The following ASTN2 variants were observed in gnomAD, a reference collection of about 807,000 sequenced individuals.
The protein encoded by ASTN2 is astrotactin 2.
ASTN2 carries 54 observed loss-of-function variants against 139.8 expected under a neutral mutation model. That is an observed-to-expected ratio of 0.39 (90% confidence interval 0.31 to 0.48). The LOEUF is 0.48. Ranked by LOEUF, ASTN2 falls within the 20% of genes least tolerant of loss-of-function variation. The pLI is 0.95. For synonymous variants in ASTN2, 756 were observed against 719.5 expected, an observed-to-expected ratio of 1.05 and a Z score of -0.81; for missense variants, 1,565 against 1,725.1, an observed-to-expected ratio of 0.91 and a Z score of 1.64.
intron 3 of ASTN2, among the ~76,000 whole-genome samples, chr9:117,206,771 C>T (rs1407166279): frequency 6.6e-6 from 1 of 152,122 alleles, no homozygotes; most frequent in Admixed American, 6.5e-5. Context: ...TTGAGCCAGC[C>T]AAACCACTGC....
At chr9:116,943,505 G>A (rs568039768) in intron 10 of ASTN2, among the ~76,000 whole-genome samples, 2 of 152,250 alleles carry the variant, frequency 1.3e-5, no homozygotes, top group East Asian at 3.9e-4. Context: ...ATTTACCCAA[G>A]CTCCTTAAAA....
At chr9:117,065,171 C>T (rs529476790) in intron 5 of ASTN2, among the ~76,000 whole-genome samples, 4 of 152,178 alleles carry the variant, frequency 2.6e-5, no homozygotes, top group South Asian at 2.1e-4. Flanking sequence ...GAGGAAGCCA[C>T]GGAACAGAAC....
rs186207413 is a variant in ASTN2, at chr9:116,634,162, A to T, written c.3073-13719T>A. 3.6e-3 allele frequency among the ~76,000 whole-genome samples: 552 copies of T among 152,310 alleles called. 4 individuals are homozygous for T. Among genetic ancestry groups the T allele is most frequent in the Admixed American group, 7.7e-3 (118 of 15,304 alleles). Reference sequence around the variant, plus strand: ...TATACTAAGATCTACCTCAATTAGAAATGTACAAGGATCATGTATAAAGTG... The same window carrying T: ...TATACTAAGATCTACCTCAATTAGATATGTACAAGGATCATGTATAAAGTG... On this transcript the variant is annotated intron_variant, in intron 17 of 22. Coordinates refer to ENST00000313400, the MANE Select transcript of ASTN2 (RefSeq NM_001365068.1).
At chr9:117,349,905 C>G (rs563399125) in intron 1 of ASTN2, among the ~76,000 whole-genome samples, 19 of 152,128 alleles carry the variant, frequency 1.2e-4, no homozygotes, top group African/African-American at 4.3e-4. Context: ...TGTCACATAA[C>G]AGAGGAAAGC....
chr9:116,859,089 A>G (rs1265759743), intron 11 of ASTN2, among the ~76,000 whole-genome samples: 1 of 152,122 alleles, frequency 6.6e-6, no homozygotes, highest in African/African-American at 2.4e-5. Context: ...TCTTCCTCCA[A>G]CTTCACAGCT....
chr9:117,008,200 C>T lies in ASTN2; in HGVS notation c.1483G>A (p.Ala495Thr). The T allele has an allele frequency of 1.2e-6, 2 of 1,611,944 alleles. No homozygotes were observed. The highest frequency in any genetic ancestry group is 8.5e-7 in the Non-Finnish European group (1 of 1,179,020). ...ATCTGGTAATACAGGGAAAGCTTGGCCGGGTTTAACCAGTCGGAGATGTCC... is the reference window on the plus strand; with the variant it reads ...ATCTGGTAATACAGGGAAAGCTTGGTCGGGTTTAACCAGTCGGAGATGTCC... ...YLDISDWLNP[A>T]KLSLYYQINA... The change falls in exon 7 of 23, where the codon GCC becomes ACC. Residue 495 changes from alanine (A) to threonine (T), a missense_variant. Coordinates refer to ENST00000313400, the MANE Select transcript of ASTN2 (RefSeq NM_001365068.1).
intron 5 of ASTN2, among the ~76,000 whole-genome samples, chr9:117,087,946 G>GT (rs1828610688): frequency 6.6e-6 from 1 of 152,176 alleles, no homozygotes. Context: ...GATAAGAAGA[G>GT]TACAAAGAAT....
intron 16 of ASTN2, among the ~76,000 whole-genome samples, chr9:116,703,012 T>C (rs184447246): frequency 3.0e-4 from 45 of 152,222 alleles, no homozygotes; most frequent in African/African-American, 9.9e-4. Context: ...CAGTGTTGGG[T>C]CAAATGGTAT....
In ASTN2 at chr9:116,699,842, C is replaced by A; in HGVS notation, c.2806+25929G>T. The A allele has an allele frequency of 8.7e-7, 1 of 1,147,194 alleles. No individual in the cohort carries two copies. Among genetic ancestry groups the A allele is most frequent in the Non-Finnish European group, 1.3e-6 (1 of 799,682 alleles). 71.1% of individuals were successfully genotyped at this position (1,147,194 alleles called of 1,614,324 possible). On this transcript the variant is annotated intron_variant, in intron 16 of 22. Coordinates refer to ENST00000313400, the MANE Select transcript of ASTN2 (RefSeq NM_001365068.1). This position sits in a 1 kb window ranked among gnomAD's most constrained non-coding sequence, Gnocchi z 4.2. ...GGTAGTTCTAGAACTTCAGAAGCTC[C>A]ATCTTTTAATGTTTTTATTTGTTAT...
chr9:116,454,330 T>C lies in ASTN2; in HGVS notation c.3498-11777A>G, dbSNP rs115999285. ...AAAGTAGAAATAGATAATAGAGATA[T>C]CTATTTTTACCCTTTCTATTCCATA... is the stretch of plus-strand genomic sequence containing the variant. On this transcript the variant is annotated intron_variant, in intron 20 of 22. Transcript: ENST00000313400. 2.3e-3 allele frequency among the ~76,000 whole-genome samples: 344 copies of C among 152,258 alleles called. 1 individual carries two copies. Among genetic ancestry groups the C allele is most frequent in the African/African-American group, 8.0e-3 (334 of 41,534 alleles).
chr9:116,916,443 C>A (rs1411819479), intron 10 of ASTN2, among the ~76,000 whole-genome samples: 2 of 152,174 alleles, frequency 1.3e-5, no homozygotes, highest in Non-Finnish European at 2.9e-5. Context: ...GTGTAAACAG[C>A]TTGCCCAAGA....
chr9:116,574,776 A>C (rs1853658057), intron 19 of ASTN2, among the ~76,000 whole-genome samples: 1 of 152,238 alleles, frequency 6.6e-6, no homozygotes. Context: ...CAGTTTCATC[A>C]GATGTATCAG....
intron 5 of ASTN2, among the ~76,000 whole-genome samples, chr9:117,072,070 A>G (rs1303552857): frequency 6.6e-6 from 1 of 152,196 alleles, no homozygotes; most frequent in African/African-American, 2.4e-5. Context: ...ATTGAATCCA[A>G]TTGCACAGGT....
At chr9:117,374,341 G>T (rs867989076) in intron 1 of ASTN2, among the ~76,000 whole-genome samples, 21 of 70,094 alleles carry the variant, frequency 3.0e-4, no homozygotes, top group African/African-American at 1.1e-3. Context: ...GAAAACAAAA[G>T]AATTATGAGG....
chr9:116,513,872 T>C (rs1458228929), intron 19 of ASTN2, among the ~76,000 whole-genome samples: 1 of 152,042 alleles, frequency 6.6e-6, no homozygotes, highest in East Asian at 1.9e-4. Flanking sequence ...AGGACTTCTC[T>C]GCATTGGTTA....
At chr9:116,976,093 C>G (rs764346884) in intron 9 of ASTN2, 21 bp downstream of exon 9, 1 of 1,612,332 alleles carries the variant, frequency 6.2e-7, no homozygotes, top group Non-Finnish European at 8.5e-7. Context: ...GAATTATGCC[C>G]CAACAAGAAA....
At position 116,698,295 on chromosome 9, in the gene ASTN2, C is replaced by G. The variant is rs918084173; in HGVS notation, c.2806+27476G>C. Reference sequence around the variant, plus strand: ...CCTTCAGGCAAGGTATAAAGCAGTTCTCCAGGAGTATGGGCATGAGGAGCG... The same window carrying G: ...CCTTCAGGCAAGGTATAAAGCAGTTGTCCAGGAGTATGGGCATGAGGAGCG... On this transcript the variant is annotated intron_variant, in intron 16 of 22. Transcript: ENST00000313400. The surrounding 1 kb of genome is among the most constrained non-coding windows in gnomAD (Gnocchi z 4.4). The G allele has an allele frequency of 6.2e-7, 1 of 1,614,156 alleles. No individual in the cohort carries two copies. Among genetic ancestry groups the G allele is most frequent in the South Asian group, 1.1e-5 (1 of 91,070 alleles).
intron 13 of ASTN2, among the ~76,000 whole-genome samples, chr9:116,793,457 GAT>G (rs1564270489): frequency 6.6e-6 from 1 of 152,198 alleles, no homozygotes; most frequent in African/African-American, 2.4e-5. Flanking sequence ...GTAGGAGGAA[GAT>G]CTATAAACAT....
intron 3 of ASTN2, among the ~76,000 whole-genome samples, chr9:117,162,285 A>T (rs1830571569): frequency 6.6e-6 from 1 of 152,002 alleles, no homozygotes; most frequent in East Asian, 1.9e-4. Flanking sequence ...TCTCTTGGCA[A>T]GTGTAGAGAG....
Sources: gnomAD v4.1 joint callset for allele counts (sites outside exome capture counted in the v4.1 genomes callset) on GRCh38, gnomAD v4.1.1 for gene constraint, Gnocchi (gnomAD v3.1) non-coding constraint, MANE v1.5 for transcripts, NCBI Gene and HGNC (gene_info 2026-07-23, HGNC 2026-07-21) for gene names.